NASP: variants seen among roughly 807,000 people sequenced by gnomAD.
The protein encoded by NASP is NASP histone chaperone.
NASP carries 24 observed loss-of-function variants against 89.5 expected under a neutral mutation model. The observed-to-expected ratio is 0.27, with a 90% CI of 0.19 to 0.38. NASP has a LOEUF of 0.38. Among genes scored for constraint, NASP ranks in the 10% least tolerant of loss-of-function variants. The probability of loss-of-function intolerance (pLI) is 1.00; values close to 1 mark genes in which losing one functional copy is unlikely to be tolerated. For synonymous variants in NASP, 306 were observed against 324.7 expected (o/e 0.94, Z 0.62); for missense variants, 848 against 921.4 (o/e 0.92, Z 1.03).
chr1:45,602,685 C>G (rs1348039972), intron 3 of NASP, among the ~76,000 whole-genome samples: 1 of 152,122 alleles, frequency 6.6e-6, no homozygotes, highest in Non-Finnish European at 1.5e-5. Context: ...TCTCTGTCAC[C>G]CAGGCTGGAG....
intron 2 of NASP, among the ~76,000 whole-genome samples, chr1:45,597,786 A>G (rs547683098): frequency 1.9e-4 from 29 of 152,272 alleles, no homozygotes; most frequent in African/African-American, 6.3e-4. Flanking sequence ...TTTGTTCACA[A>G]GATCCCACTC....
intron 2 of NASP, among the ~76,000 whole-genome samples, chr1:45,596,310 C>T (rs963629432): frequency 1.2e-4 from 19 of 152,234 alleles, no homozygotes; most frequent in Admixed American, 1.0e-3. Flanking sequence ...TTCACATTGT[C>T]GTATACCCAA....
At chr1:45,602,163 T>A in intron 2 of NASP, 92 bp from the exon 3 acceptor site, 3 of 1,474,028 alleles carry the variant, frequency 2.0e-6, no homozygotes, top group Non-Finnish European at 2.7e-6. Context: ...CCAAAAGTTT[T>A]AAAAAATGAA....
intron 1 of NASP, among the ~76,000 whole-genome samples, chr1:45,586,446 C>A (rs932328365): frequency 6.6e-6 from 1 of 151,936 alleles, no homozygotes; most frequent in South Asian, 2.1e-4. Context: ...CCACAAGGCC[C>A]AGCTGATTCT....
chr1:45,600,534 A>G (rs1035793603), intron 2 of NASP: 12 of 879,942 alleles, frequency 1.4e-5, no homozygotes, highest in Middle Eastern at 3.0e-4. Context: ...TACCACCTGT[A>G]TTAATAGTTC....
intron 2 of NASP, among the ~76,000 whole-genome samples, chr1:45,597,452 A>C (rs1364069670): frequency 6.6e-6 from 1 of 152,086 alleles, no homozygotes; most frequent in Non-Finnish European, 1.5e-5. Context: ...TACTTTAATG[A>C]AAAGAAAACA....
Position 45,590,895 on chromosome 1 carries a change from G to A in NASP, c.60-328G>A, listed in dbSNP as rs1643532142. Among the ~76,000 whole-genome samples, 7 of 152,140 alleles carry A rather than the reference G, an allele frequency of 4.6e-5. No individual in the cohort carries two copies. The South Asian group carries it at 1.4e-3, about 32-fold the overall frequency. On this transcript the variant is annotated intron_variant, in intron 1 of 14. Coordinates refer to ENST00000350030, the MANE Select transcript of NASP (RefSeq NM_002482.4). ...GATATACATGACTGGCTGTGACGGA[G>A]TTTGTAGATAAGGATCCAAGACCAT...
At chr1:45,588,466 C>T (rs114400212) in intron 1 of NASP, among the ~76,000 whole-genome samples, 1,565 of 152,140 alleles carry the variant, frequency 0.01, 28 homozygotes, top group African/African-American at 0.036. Flanking sequence ...TGCTGCTTAG[C>T]CTGGTCTCAA....
At chr1:45,601,951 A>C (rs1035950380) in intron 2 of NASP, among the ~76,000 whole-genome samples, 2 of 151,684 alleles carry the variant, frequency 1.3e-5, no homozygotes, top group Admixed American at 6.6e-5. Context: ...ACGGGGTTTC[A>C]CCATGTTAGC....
intron 2 of NASP, among the ~76,000 whole-genome samples, chr1:45,601,013 C>G (rs148417401): frequency 6.6e-6 from 1 of 152,042 alleles, no homozygotes; most frequent in Non-Finnish European, 1.5e-5. Flanking sequence ...TCTTTCGCCC[C>G]CTTTTTATTG....
At chr1:45,589,536 G>A (rs899124058) in intron 1 of NASP, among the ~76,000 whole-genome samples, 4 of 152,050 alleles carry the variant, frequency 2.6e-5, no homozygotes, top group South Asian at 2.1e-4. Context: ...CATAATGAAC[G>A]TCATAAAACT....
Position 45,608,043 on chromosome 1 carries a change from G to T in NASP, c.1132G>T (p.Gly378Cys). Residue 378 changes from glycine (G) to cysteine (C), a missense_variant, in exon 6 of 15, where the codon GGT becomes TGT. By Grantham distance (159) the Gly-to-Cys change is radical. Coordinates refer to ENST00000350030, the MANE Select transcript of NASP (RefSeq NM_002482.4). Reference sequence around the variant, plus strand: ...GGAGGCTCCAGTTCTCCCTAAGGATGGTGCAGTCAATGGACCGTCAGTTGT... The same window carrying T: ...GGAGGCTCCAGTTCTCCCTAAGGATTGTGCAGTCAATGGACCGTCAGTTGT... Reference protein sequence around the residue: ...GQEAPVLPKDGAVNGPSVVGD... With the variant: ...GQEAPVLPKDCAVNGPSVVGD... 1 of 1,613,952 alleles carries T rather than the reference G, an allele frequency of 6.2e-7. No homozygotes were observed. Among genetic ancestry groups the T allele is most frequent in the Non-Finnish European group, 8.5e-7 (1 of 1,179,902 alleles).
chr1:45,598,500 T>TC (rs1172693016), intron 2 of NASP, among the ~76,000 whole-genome samples: 1 of 152,162 alleles, frequency 6.6e-6, no homozygotes, highest in Non-Finnish European at 1.5e-5. Context: ...GTTGGAAGGC[T>TC]CCCAGGGCTC....
At chr1:45,587,687 T>TATATATATATATATATATATATATAA (rs66829841) in intron 1 of NASP, among the ~76,000 whole-genome samples, 1,942 of 78,072 alleles carry the variant, frequency 0.025, 352 homozygotes, top group Middle Eastern at 0.045. Context: ...TATATATATA[T>TATATATATATATATATATATATATAA]AATTAATTTT....
chr1:45,616,450 C>T (rs1323509956), intron 12 of NASP, 57 bp downstream of exon 12: 1 of 1,573,160 alleles, frequency 6.4e-7, no homozygotes, highest in African/African-American at 1.3e-5. Context: ...TTGGCTCATG[C>T]CTGTAATCCC....
rs776004053 is a variant in NASP, at chr1:45,584,191, G to C, written c.45G>C (p.Leu15=). The C allele has an allele frequency of 1.2e-5, 19 of 1,593,446 alleles. No homozygotes were observed. Among genetic ancestry groups the C allele is most frequent in the Non-Finnish European group, 1.5e-5 (17 of 1,170,058 alleles). Residue 15 remains leucine, a synonymous_variant, in exon 1 of 15, where the codon CTG becomes CTC. Coordinates refer to ENST00000350030, the MANE Select transcript of NASP (RefSeq NM_002482.4). ...STATAAVAAE[L]VSADKIEDVP... ...CCACTGCCGCCGTCGCCGCGGAGCTGGTTTCTGCCGACAAGTAAGCGGGAC... is the reference window on the plus strand; with the variant it reads ...CCACTGCCGCCGTCGCCGCGGAGCTCGTTTCTGCCGACAAGTAAGCGGGAC...
At position 45,615,416 on chromosome 1, in the gene NASP, C is replaced by T. The variant is rs1489694968; in HGVS notation, c.1967C>T (p.Ala656Val). The T allele has an allele frequency of 3.1e-6, 5 of 1,614,018 alleles. No individual in the cohort carries two copies. In the Admixed American group the frequency reaches 8.3e-5, roughly 27 times the overall value. The stretch of plus-strand genomic sequence containing the variant: ...GAAATTAGAGAGAAGATAGAAGATG[C>T]AAAGGAGTCTCAGCGTAGTGGGAAT... ...LPEIREKIEDAKESQRSGNVA... is the reference protein window; with the variant it reads ...LPEIREKIEDVKESQRSGNVA... Residue 656 changes from alanine to valine, a missense_variant, in exon 11 of 15, where the codon GCA (alanine) becomes GTA (valine). By Grantham distance (64) the Ala-to-Val change is moderately conservative. Transcript: ENST00000350030.
In NASP at chr1:45,602,239, A is replaced by T. The variant is rs1643863328; in HGVS notation, c.108-16A>T. 1 of 1,606,184 alleles carries T rather than the reference A, an allele frequency of 6.2e-7. No individual in the cohort carries two copies. The highest frequency in any genetic ancestry group is 8.5e-7 in the Non-Finnish European group (1 of 1,177,256). ...TTAAACAGTACTTGACACTAGAAAA[A>T]ATCTTTTTTTTGCAGTCTGGATGTG... On this transcript the variant is annotated splice_polypyrimidine_tract_variant and intron_variant, in intron 2 of 14. Transcript: ENST00000350030.
Position 45,608,122 on chromosome 1 carries a change from C to T in NASP, c.1211C>T (p.Thr404Ile), listed in dbSNP as rs757589874. ...PQTSIERLTE[T>I]KDGSGLEEKV... ...ACTTCTATAGAAAGACTGACAGAAACAAAAGATGGCTCAGGACTAGAGGAG... is the reference window on the plus strand; with the variant it reads ...ACTTCTATAGAAAGACTGACAGAAATAAAAGATGGCTCAGGACTAGAGGAG... The change falls in exon 6 of 15, where the codon ACA becomes ATA. Residue 404 changes from threonine to isoleucine, a missense_variant. By Grantham distance (89) the Thr-to-Ile change is moderately conservative. This residue lies in a region of NASP where 464 missense variants were observed against 469.4 expected (regional missense o/e 0.99). Coordinates refer to ENST00000350030, the MANE Select transcript of NASP (RefSeq NM_002482.4). 1 of 1,614,014 alleles carries T rather than the reference C, an allele frequency of 6.2e-7. No individual in the cohort carries two copies. The highest frequency in any genetic ancestry group is 1.3e-5 in the African/African-American group (1 of 75,024).
Sources: gnomAD v4.1 joint callset for allele counts (sites outside exome capture counted in the v4.1 genomes callset) on GRCh38, gnomAD v4.1.1 for gene constraint, gnomAD v4.1.1 regional missense constraint, MANE v1.5 for transcripts, NCBI Gene and HGNC (gene_info 2026-07-23, HGNC 2026-07-21) for gene names.